Variants in SLC25A22 observed in about 807,000 individuals in gnomAD.
SLC25A22 encodes the protein solute carrier family 25 member 22.
Under a neutral mutation model 33.7 loss-of-function variants are expected in SLC25A22, and 23 were observed. That is an observed-to-expected ratio of 0.68 (90% confidence interval 0.49 to 0.97). The LOEUF (loss-of-function observed/expected upper bound fraction) is 0.97, where lower values mean the gene tolerates loss of function less well. Among genes scored for constraint, SLC25A22 ranks in the 50% least tolerant of loss-of-function variants. The pLI is 0.00. For missense variants in SLC25A22, 390 were observed against 451.1 expected, an observed-to-expected ratio of 0.86 and a Z score of 1.23; for synonymous variants, 245 against 203.8, an observed-to-expected ratio of 1.20 and a Z score of -1.72.
At chr11:793,930 C>T (rs1272414270) in intron 4 of SLC25A22, 1 of 499,516 alleles carries the variant, frequency 2.0e-6, no homozygotes. Context: ...ATACCTCTCC[C>T]TCCCTGGAGG....
At chr11:797,121 G>A (rs755328220) in intron 1 of SLC25A22, among the ~76,000 whole-genome samples, 1 of 152,200 alleles carries the variant, frequency 6.6e-6, no homozygotes, top group South Asian at 2.1e-4. Context: ...CTGCATGATA[G>A]GGGCAATCCT....
At position 791,102 on chromosome 11, in the gene SLC25A22, G is replaced by C. The variant is rs953012195; in HGVS notation, c.*813C>G. The C allele has an allele frequency of 2.0e-5, 3 of 152,820 alleles. No homozygotes were observed. The highest frequency in any genetic ancestry group is 7.2e-5 in the African/African-American group (3 of 41,448). The allele number at this position is 152,820 out of a possible 1,614,324, so 9.5% of individuals were successfully genotyped here. On this transcript the variant is annotated 3_prime_UTR_variant, in exon 10 of 10. Transcript: ENST00000628067. ...TTCCTGGACGGGGTCAACAGAGCCTGGGGCACACACAGCACACAGAGCGCC... is the reference window on the plus strand; with the variant it reads ...TTCCTGGACGGGGTCAACAGAGCCTCGGGCACACACAGCACACAGAGCGCC...
chr11:794,876 C>A lies in SLC25A22; in HGVS notation c.46G>T (p.Gly16Cys), dbSNP rs149569043. 6.4e-7 allele frequency: 1 copy of A among 1,567,944 alleles called. No individual in the cohort carries two copies. Among genetic ancestry groups the A allele is most frequent in the Non-Finnish European group, 8.6e-7 (1 of 1,156,334 alleles). Reference protein sequence around the residue: ...ISLPAKLINGGIAGLIGVTCV... With the variant: ...ISLPAKLINGCIAGLIGVTCV... ...GTGACACCGATCAGCCCGGCGATGC[C>A]GCCATTGATGAGCTTGGCTGGCAGG... is the stretch of plus-strand genomic sequence containing the variant. The change falls in exon 3 of 10, where the codon GGC (glycine) becomes TGC (cysteine). Residue 16 changes from glycine to cysteine, a missense_variant. Gly to Cys is a radical substitution (Grantham distance 159, BLOSUM62 -3). Transcript: ENST00000628067.
At position 791,863 on chromosome 11, in the gene SLC25A22, C is replaced by T; in HGVS notation, c.*52G>A. 3.2e-6 allele frequency: 5 copies of T among 1,541,390 alleles called. No individual in the cohort carries two copies. Among genetic ancestry groups the T allele is most frequent in the South Asian group, 1.2e-5 (1 of 84,402 alleles). On this transcript the variant is annotated 3_prime_UTR_variant, in exon 10 of 10. Transcript: ENST00000628067. ...TCCGTCCTGGGCTAGCTGCCTGGCT[C>T]CAGCCCCACACCGGCCCTGCCCAGC...
intron 1 of SLC25A22, among the ~76,000 whole-genome samples, chr11:797,160 G>C (rs952059767): frequency 1.3e-5 from 2 of 152,188 alleles, no homozygotes; most frequent in Non-Finnish European, 2.9e-5. Flanking sequence ...GGTGGGGAGC[G>C]GCCATTCGTC....
intron 1 of SLC25A22, among the ~76,000 whole-genome samples, chr11:796,578 G>A (rs1021992267): frequency 6.6e-6 from 1 of 152,176 alleles, no homozygotes; most frequent in Non-Finnish European, 1.5e-5. Flanking sequence ...CCGGGCCAGG[G>A]TACCCTGTAT....
chr11:794,311 C>A, intron 4 of SLC25A22, 147 bp downstream of exon 4: 2 of 951,988 alleles, frequency 2.1e-6, no homozygotes, highest in Non-Finnish European at 3.3e-6. Flanking sequence ...GTCCCCCCTG[C>A]ACAGGCACAG....
At position 793,588 on chromosome 11, in the gene SLC25A22, G is replaced by C. The variant is rs80335370; in HGVS notation, c.234C>G (p.Pro78=). ...TGGCTGCCAGCTTGATGGCCTTCTC[G>C]GGGGTGACGAGGGTCAAGTTCACAG... The part of the protein sequence containing the change: ...GAAVNLTLVT[P]EKAIKLAAND... Residue 78 remains proline, a synonymous_variant, in exon 5 of 10, where the codon CCC becomes CCG. Transcript: ENST00000628067. 6 of 1,611,386 alleles carry C rather than the reference G, an allele frequency of 3.7e-6. No individual in the cohort carries two copies. The highest frequency in any genetic ancestry group is 5.1e-6 in the Non-Finnish European group (6 of 1,179,920).
Position 793,628 on chromosome 11 carries a change from C to G in SLC25A22, c.203-9G>C. 6.2e-7 allele frequency: 1 copy of G among 1,601,336 alleles called. No individual in the cohort carries two copies. Among genetic ancestry groups the G allele is most frequent in the Non-Finnish European group, 8.5e-7 (1 of 1,175,950 alleles). ...CAAGTTCACAGCAGCTCCTGTGGGG[C>G]AGGGGGTCAGCTGGGGGGACATGCT... On this transcript the variant is annotated splice_polypyrimidine_tract_variant and intron_variant, in intron 4 of 9. Transcript: ENST00000628067.
rs1442575603 is a variant in SLC25A22, at chr11:798,226, C to T, written c.-173G>A. The stretch of plus-strand genomic sequence containing the variant: ...CCGGGCAGACACTCACCACGCTCGC[C>T]GCCGCCGCCGCGCTCGCCTGCCCGC... On this transcript the variant is annotated 5_prime_UTR_variant, in exon 1 of 10. Coordinates refer to ENST00000628067, the MANE Select transcript of SLC25A22 (RefSeq NM_001191061.2). 2.5e-6 allele frequency: 1 copy of T among 394,920 alleles called. No individual in the cohort carries two copies. Among genetic ancestry groups the T allele is most frequent in the South Asian group, 1.3e-4 (1 of 7,840 alleles). 24.5% of individuals were successfully genotyped at this position (394,920 alleles called of 1,614,324 possible).
At chr11:794,550 G>A (rs1388047443) in intron 3 of SLC25A22, 37 bp from the exon 4 acceptor site, 11 of 1,606,952 alleles carry the variant, frequency 6.8e-6, no homozygotes, top group Non-Finnish European at 9.3e-6. Flanking sequence ...AGGGCCAGCT[G>A]GGGCCAGCCG....
rs554297762 is a variant in SLC25A22, at chr11:792,184, C to A, written c.776G>T (p.Gly259Val). ...VKTRLQSLQR[G>V]VNEDTYSGIL... ...CCCAGAGTAGGTGTCCTCGTTGACG[C>A]CTCGCTGAAGTGACTGGAGCCGCGT... is the stretch of plus-strand genomic sequence containing the variant. Residue 259 changes from glycine (G) to valine (V), a missense_variant, in exon 9 of 10, where the codon GGC (glycine) becomes GTC (valine). Transcript: ENST00000628067. The A allele has an allele frequency of 1.9e-6, 3 of 1,612,920 alleles. No homozygotes were observed. In the South Asian group the frequency reaches 3.3e-5, roughly 18 times the overall value.
intron 1 of SLC25A22, chr11:795,834 T>G (rs1590124363): frequency 6.7e-6 from 1 of 148,990 alleles, no homozygotes; most frequent in African/African-American, 2.6e-5. Context: ...GCCTTGGGGG[T>G]GGGGGATGGC....
chr11:795,367 T>TCCCCCCCCCCCCCCCCCC (rs1361777569), intron 1 of SLC25A22, 198 bp from the exon 2 acceptor site: 2 of 157,338 alleles, frequency 1.3e-5, no homozygotes, highest in Non-Finnish European at 1.1e-5. Flanking sequence ...TTCCTTTCAG[T>TCCCCCCCCCCCCCCCCCC]CCCCCCCTCC....
intron 4 of SLC25A22, chr11:794,254 G>A (rs1391893328): frequency 1.4e-6 from 1 of 720,994 alleles, no homozygotes; most frequent in Non-Finnish European, 2.5e-6. Context: ...GTGGGGGTGG[G>A]GAGCTGCCAC....
In SLC25A22 at chr11:792,290, T is replaced by G; in HGVS notation, c.742+14A>C. ...CCGCCCCATCCCCAGCCGGGCGCCA[T>G]CCCATGCACTGACCATCACAGGGGT... On this transcript the variant is annotated intron_variant, in intron 8 of 9. Coordinates refer to ENST00000628067, the MANE Select transcript of SLC25A22 (RefSeq NM_001191061.2). 1 of 1,613,062 alleles carries G rather than the reference T, an allele frequency of 6.2e-7. No individual in the cohort carries two copies. The highest frequency in any genetic ancestry group is 8.5e-7 in the Non-Finnish European group (1 of 1,179,928).
At chr11:798,008 C>CT in intron 1 of SLC25A22, 3 of 398,300 alleles carry the variant, frequency 7.5e-6, no homozygotes, top group Non-Finnish European at 1.3e-5. Flanking sequence ...GGGGAGCGCG[C>CT]CCGGAACCGT....
At chr11:798,078 A>G (rs1864930427) in intron 1 of SLC25A22, 139 bp downstream of exon 1, 1 of 398,224 alleles carries the variant, frequency 2.5e-6, no homozygotes, top group Admixed American at 4.4e-5. Flanking sequence ...CCGCTGGTCC[A>G]GGACCCCCCC....
intron 1 of SLC25A22, chr11:797,837 G>A (rs1319085497): frequency 1.0e-5 from 4 of 398,684 alleles, no homozygotes; most frequent in South Asian, 2.5e-4. Context: ...CCTACTGCTG[G>A]GGCTCAGCCG....
Sources: gnomAD v4.1 joint callset for allele counts (sites outside exome capture counted in the v4.1 genomes callset) on GRCh38, gnomAD v4.1.1 for gene constraint, MANE v1.5 for transcripts, NCBI Gene and HGNC (gene_info 2026-07-23, HGNC 2026-07-21) for gene names.